TSPAN11: variants seen among roughly 807,000 people sequenced by gnomAD.
The protein encoded by TSPAN11 is tetraspanin-11.
A neutral mutation model predicts 32.9 loss-of-function variants in TSPAN11; 29 were observed. That is an observed-to-expected ratio of 0.88 (90% CI 0.66 to 1.20). The LOEUF is 1.20. TSPAN11 is among the 50% of genes most tolerant of loss of function. TSPAN11 has a pLI of 0.00. For missense variants in TSPAN11, 283 were observed against 329.1 expected (o/e 0.86, Z 1.08); for synonymous variants, 140 against 141.3 (o/e 0.99, Z 0.07).
At chr12:30,961,127 G>A (rs189246994) in intron 2 of TSPAN11, among the ~76,000 whole-genome samples, 92 of 151,884 alleles carry the variant, frequency 6.1e-4, no homozygotes, top group Non-Finnish European at 1.8e-4. Context: ...GTATGCCAAT[G>A]GTTGTTGAAT....
intron 3 of TSPAN11, among the ~76,000 whole-genome samples, chr12:30,969,695 T>A (rs1349718576): frequency 6.6e-6 from 1 of 152,184 alleles, no homozygotes; most frequent in Non-Finnish European, 1.5e-5. Flanking sequence ...CCTCCGATTT[T>A]CTGCAGTGGA....
the TSPAN11 span, among the ~76,000 whole-genome samples, chr12:31,008,171 C>G: frequency 1.2e-3 from 181 of 150,426 alleles, no homozygotes; most frequent in African/African-American, 4.3e-3. Context: ...CCTGAAGAAT[C>G]TACTTCCCTG....
At chr12:31,016,152 C>G in the TSPAN11 span, among the ~76,000 whole-genome samples, 1 of 152,162 alleles carries the variant, frequency 6.6e-6, no homozygotes, top group African/African-American at 2.4e-5. Flanking sequence ...AGAAGTCAGA[C>G]GCAAAAGGAC....
In TSPAN11 at chr12:30,993,674, C is replaced by T. The variant is rs968727345; in HGVS notation, c.*1759C>T. The T allele has an allele frequency of 6.6e-6, 1 of 152,274 alleles. No homozygotes were observed. The highest frequency in any genetic ancestry group is 1.5e-5 in the Non-Finnish European group (1 of 68,060). The allele number at this position is 152,274 out of a possible 1,614,324, so 9.4% of individuals were successfully genotyped here. ...CGTGATTAGCATTGCTGCCCTCCAA[C>T]CTCCTGGGATTCATGCAGATAATCA... On this transcript the variant is annotated 3_prime_UTR_variant, in exon 8 of 8. Transcript: ENST00000546076.
At chr12:30,928,851 T>C (rs1937856886) in intron 1 of TSPAN11, among the ~76,000 whole-genome samples, 1 of 152,250 alleles carries the variant, frequency 6.6e-6, no homozygotes, top group African/African-American at 2.4e-5. Flanking sequence ...ACTTGCGACC[T>C]GTCTGAACTT....
intron 1 of TSPAN11, among the ~76,000 whole-genome samples, chr12:30,933,384 G>T (rs553666564): frequency 6.6e-6 from 1 of 152,304 alleles, no homozygotes; most frequent in South Asian, 2.1e-4. Flanking sequence ...CCTGCCCAAG[G>T]TCCTGCAGCC....
At chr12:30,927,145 T>C (rs1377692870) in intron 1 of TSPAN11, 1 of 736,040 alleles carries the variant, frequency 1.4e-6, no homozygotes, top group African/African-American at 1.9e-5. Context: ...GCATGTCTGT[T>C]CCTCTTGAAA....
chr12:30,976,086 G>T (rs996331471), intron 3 of TSPAN11, among the ~76,000 whole-genome samples: 12 of 152,178 alleles, frequency 7.9e-5, no homozygotes, highest in African/African-American at 2.9e-4. Context: ...CACCCTGGGT[G>T]GGGTGAGGGT....
Position 30,995,498 on chromosome 12 carries a change from G to T in TSPAN11, c.*3583G>T, listed in dbSNP as rs560284699. On this transcript the variant is annotated 3_prime_UTR_variant, in exon 8 of 8. Transcript: ENST00000546076. ...GGCCCAGCACGGCCCTGTGGGGTGT[G>T]GGGGGAATATGGTAGATCATTGTGA... The T allele has an allele frequency of 6.6e-6, 1 of 152,286 alleles. No individual in the cohort carries two copies. The highest frequency in any genetic ancestry group is 2.4e-5 in the African/African-American group (1 of 41,436). 9.4% of individuals were successfully genotyped at this position (152,286 alleles called of 1,614,324 possible). A position where few individuals can be genotyped will look rare whatever the true frequency, so the allele number is the denominator to read the frequency against.
In TSPAN11 at chr12:30,992,194, C is replaced by T. The variant is rs1229520577; in HGVS notation, c.*279C>T. 9.5e-6 allele frequency: 5 copies of T among 523,886 alleles called. No homozygotes were observed. Among genetic ancestry groups the T allele is most frequent in the African/African-American group, 1.9e-5 (1 of 52,430 alleles). The allele number at this position is 523,886 out of a possible 1,614,324, so 32.5% of individuals were successfully genotyped here. On this transcript the variant is annotated 3_prime_UTR_variant, in exon 8 of 8. Transcript: ENST00000546076. Reference sequence around the variant, plus strand: ...GACAACCAGAGCCCCTCACCAGGAACGGGGGCACCCGTGGACTACGGGAGG... The same window carrying T: ...GACAACCAGAGCCCCTCACCAGGAATGGGGGCACCCGTGGACTACGGGAGG...
At position 30,942,037 on chromosome 12, in the gene TSPAN11, C is replaced by T. The variant is rs572149502; in HGVS notation, c.-11-11944C>T. 1.2e-4 allele frequency among the ~76,000 whole-genome samples: 19 copies of T among 152,294 alleles called. No individual in the cohort carries two copies. In the South Asian group the frequency reaches 2.7e-3, roughly 22 times the overall value. ...GAACAGGGCCTTCCCTCACAACCAT[C>T]GGAATACAGTGCACTAGCAGGCCGG... is the stretch of plus-strand genomic sequence containing the variant. On this transcript the variant is annotated intron_variant, in intron 1 of 7. Transcript: ENST00000546076.
Position 30,992,010 on chromosome 12 carries a change from G to A in TSPAN11, c.*95G>A, listed in dbSNP as rs1939323620. 1.1e-5 allele frequency: 15 copies of A among 1,349,068 alleles called. No homozygotes were observed. The highest frequency in any genetic ancestry group is 1.6e-5 in the Non-Finnish European group (15 of 944,072). The allele number at this position is 1,349,068 out of a possible 1,614,324, so 83.6% of individuals were successfully genotyped here. On this transcript the variant is annotated 3_prime_UTR_variant, in exon 8 of 8. Transcript: ENST00000546076. Reference sequence around the variant, plus strand: ...CAGAGTTAGCACCAGCTCCACTAGGGCCATAGATGCCCCCTCCTTTGTGCC... The same window carrying A: ...CAGAGTTAGCACCAGCTCCACTAGGACCATAGATGCCCCCTCCTTTGTGCC...
intron 2 of TSPAN11, among the ~76,000 whole-genome samples, chr12:30,958,455 G>T (rs967913061): frequency 1.3e-5 from 2 of 152,084 alleles, no homozygotes; most frequent in African/African-American, 4.8e-5. Context: ...ACGCTTTCAT[G>T]TGCCCTCCTG....
chr12:30,931,379 G>A (rs1025535543), intron 1 of TSPAN11, among the ~76,000 whole-genome samples: 1 of 152,164 alleles, frequency 6.6e-6, no homozygotes, highest in Non-Finnish European at 1.5e-5. Flanking sequence ...GTGTTGTCTG[G>A]TTTGTCTGAG....
At chr12:30,940,117 C>T (rs2140274313) in intron 1 of TSPAN11, among the ~76,000 whole-genome samples, 1 of 152,348 alleles carries the variant, frequency 6.6e-6, no homozygotes, top group South Asian at 2.1e-4. Context: ...GCCATCTACA[C>T]AGAAATGCAT....
intron 7 of TSPAN11, among the ~76,000 whole-genome samples, chr12:30,985,642 T>C (rs1362108617): frequency 2.0e-5 from 3 of 152,198 alleles, no homozygotes; most frequent in Admixed American, 6.5e-5. Context: ...GCCTGCTCTG[T>C]ATGGACACAG....
chr12:30,999,670 A>G (rs1005153492), downstream of TSPAN11, among the ~76,000 whole-genome samples: 2 of 152,150 alleles, frequency 1.3e-5, no homozygotes, highest in African/African-American at 4.8e-5. Context: ...GAAAAATCAT[A>G]ATTTGAACCA....
chr12:30,985,603 A>G lies in TSPAN11; in HGVS notation c.702+2453A>G, dbSNP rs576524011. ...GCAGCACAGAGCAGTTGAACTCTCCAGAAACCTGTTACTCCAGGTGTTGAG... is the reference window on the plus strand; with the variant it reads ...GCAGCACAGAGCAGTTGAACTCTCCGGAAACCTGTTACTCCAGGTGTTGAG... On this transcript the variant is annotated intron_variant, in intron 7 of 7. Transcript: ENST00000546076. Among the ~76,000 whole-genome samples, 4 of 152,286 alleles carry G rather than the reference A, an allele frequency of 2.6e-5. No individual in the cohort carries two copies. In the South Asian group the frequency reaches 8.3e-4, roughly 32 times the overall value.
chr12:31,006,751 T>G, the TSPAN11 span, among the ~76,000 whole-genome samples: 1 of 152,258 alleles, frequency 6.6e-6, no homozygotes, highest in African/African-American at 2.4e-5. Flanking sequence ...TATGGCTGTA[T>G]AGTGAGCCCG....
Sources: gnomAD v4.1 joint callset for allele counts (sites outside exome capture counted in the v4.1 genomes callset) on GRCh38, gnomAD v4.1.1 for gene constraint, MANE v1.5 for transcripts, NCBI Gene and HGNC (gene_info 2026-07-23, HGNC 2026-07-21) for gene names.